Variants in TAFA2 observed in about 807,000 individuals in gnomAD.
TAFA2 encodes TAFA chemokine like family member 2, also known as chemokine-like protein TAFA-2.
Under a neutral mutation model 18.8 loss-of-function variants are expected in TAFA2, and 7 were observed. The ratio of observed to expected loss-of-function variants is 0.37; its 90% CI spans 0.21 to 0.70. The LOEUF (loss-of-function observed/expected upper bound fraction) is 0.70. Ranked by LOEUF, TAFA2 falls within the 30% of genes least tolerant of loss-of-function variation. TAFA2 has a pLI of 0.53. For synonymous variants in TAFA2, 60 were observed against 54.2 expected, an observed-to-expected ratio of 1.11 and a Z score of -0.47; for missense variants, 122 against 158.1, an observed-to-expected ratio of 0.77 and a Z score of 1.23.
chr12:62,104,942 T>A (rs1869380646), intron 1 of TAFA2: 1 of 212,280 alleles, frequency 4.7e-6, no homozygotes, highest in Non-Finnish European at 9.9e-6. Flanking sequence ...GGGGGTAAAC[T>A]GACAAAAAGT....
At chr12:62,240,867 C>G (rs1434629873) in intron 1 of TAFA2, among the ~76,000 whole-genome samples, 1 of 152,054 alleles carries the variant, frequency 6.6e-6, no homozygotes, top group Non-Finnish European at 1.5e-5. Context: ...TAGCATGAAC[C>G]ATATTGTGAA....
intron 1 of TAFA2, among the ~76,000 whole-genome samples, chr12:61,949,530 C>T (rs1026278219): frequency 9.9e-5 from 15 of 152,058 alleles, no homozygotes; most frequent in Non-Finnish European, 1.6e-4. Flanking sequence ...GTCATACAGC[C>T]GGTCAAGTAG....
chr12:61,731,379 C>T (rs183630320), intron 4 of TAFA2, among the ~76,000 whole-genome samples: 82 of 152,216 alleles, frequency 5.4e-4, no homozygotes, highest in Non-Finnish European at 1.0e-3. Context: ...AGTCTCCACA[C>T]GCTGTTCTGT....
At chr12:62,154,431 TA>T (rs2062354179) in intron 1 of TAFA2, among the ~76,000 whole-genome samples, 1 of 152,178 alleles carries the variant, frequency 6.6e-6, no homozygotes, top group Non-Finnish European at 1.5e-5. Flanking sequence ...CAAGGGAAGT[TA>T]GAAAATGTAG....
chr12:62,235,851 G>A (rs2062834800), intron 1 of TAFA2, among the ~76,000 whole-genome samples: 2 of 151,814 alleles, frequency 1.3e-5, no homozygotes, highest in East Asian at 3.9e-4. Flanking sequence ...TGAGTAGCTG[G>A]GACTACGGGT....
intron 1 of TAFA2, among the ~76,000 whole-genome samples, chr12:62,229,593 G>A (rs2062803198): frequency 6.6e-6 from 1 of 151,582 alleles, no homozygotes; most frequent in Non-Finnish European, 1.5e-5. Flanking sequence ...TCTTTTTAAT[G>A]TGCTATTGTA....
chr12:61,915,517 T>C (rs959865740), intron 1 of TAFA2, among the ~76,000 whole-genome samples: 1 of 152,210 alleles, frequency 6.6e-6, no homozygotes, highest in Admixed American at 6.5e-5. Context: ...ATTATGAGTA[T>C]TGGCTTACTC....
intron 1 of TAFA2, among the ~76,000 whole-genome samples, chr12:62,017,043 T>C (rs932524098): frequency 2.0e-5 from 3 of 152,186 alleles, no homozygotes; most frequent in Non-Finnish European, 2.9e-5. Context: ...GGGCTTACCA[T>C]GCACCAGGAA....
intron 1 of TAFA2, among the ~76,000 whole-genome samples, chr12:62,162,257 A>G (rs2062411749): frequency 1.3e-5 from 2 of 152,348 alleles, no homozygotes; most frequent in South Asian, 2.1e-4. Flanking sequence ...ACTATCTCTC[A>G]TCATAAATAT....
chr12:62,165,937 T>A (rs867929865), intron 1 of TAFA2, among the ~76,000 whole-genome samples: 1 of 115,282 alleles, frequency 8.7e-6, no homozygotes, highest in Non-Finnish European at 1.8e-5. Flanking sequence ...TCTCTCTCTC[T>A]CTCACACACA....
chr12:62,086,062 T>C (rs1044410481), intron 1 of TAFA2, among the ~76,000 whole-genome samples: 1 of 152,128 alleles, frequency 6.6e-6, no homozygotes, highest in Non-Finnish European at 1.5e-5. Flanking sequence ...AGCAGAAGCA[T>C]ATACAGCCTG....
At chr12:61,781,833 A>G (rs1870516628) in intron 2 of TAFA2, among the ~76,000 whole-genome samples, 1 of 151,808 alleles carries the variant, frequency 6.6e-6, no homozygotes, top group South Asian at 2.1e-4. Flanking sequence ...AATAACAGCA[A>G]TTACAATTAA....
intron 1 of TAFA2, among the ~76,000 whole-genome samples, chr12:61,899,319 G>A (rs543376949): frequency 1.4e-4 from 21 of 152,132 alleles, no homozygotes; most frequent in African/African-American, 4.3e-4. Context: ...CCCACTCTTG[G>A]TACCAATTTA....
chr12:61,885,989 C>T (rs1875359143), intron 1 of TAFA2, among the ~76,000 whole-genome samples: 1 of 152,118 alleles, frequency 6.6e-6, no homozygotes, highest in South Asian at 2.1e-4. Context: ...AAGAACCAAT[C>T]AGAAAGGAAA....
At chr12:61,906,716 G>A (rs550980889) in intron 1 of TAFA2, among the ~76,000 whole-genome samples, 1 of 152,282 alleles carries the variant, frequency 6.6e-6, no homozygotes, top group Admixed American at 6.5e-5. Flanking sequence ...CCTGGAAACT[G>A]GTTGAATGGC....
intron 2 of TAFA2, among the ~76,000 whole-genome samples, chr12:61,842,082 T>C (rs1247527427): frequency 6.6e-6 from 1 of 151,862 alleles, no homozygotes; most frequent in East Asian, 1.9e-4. Flanking sequence ...ACTGTCTCCA[T>C]AAGGACATTT....
intron 1 of TAFA2, among the ~76,000 whole-genome samples, chr12:61,973,493 C>T (rs1326024724): frequency 6.8e-6 from 1 of 147,598 alleles, no homozygotes; most frequent in African/African-American, 2.5e-5. Context: ...TATAGATTAA[C>T]ACAGTAGTTT....
intron 2 of TAFA2, among the ~76,000 whole-genome samples, chr12:61,866,236 C>T (rs17125452): frequency 0.022 from 3,322 of 152,082 alleles, 121 homozygotes; most frequent in African/African-American, 0.076. Flanking sequence ...TGCAAGATGT[C>T]CCTTTTTGAT....
intron 1 of TAFA2, among the ~76,000 whole-genome samples, chr12:61,970,007 CATA>C (rs1879193512): frequency 6.6e-6 from 1 of 151,590 alleles, no homozygotes; most frequent in South Asian, 2.1e-4. Flanking sequence ...GCTTGACAGT[CATA>C]ATAAGAGGCC....
Sources: gnomAD v4.1 joint callset for allele counts (sites outside exome capture counted in the v4.1 genomes callset) on GRCh38, gnomAD v4.1.1 for gene constraint, MANE v1.5 for transcripts, NCBI Gene and HGNC (gene_info 2026-07-23, HGNC 2026-07-21) for gene names.